The following DROSHA variants were observed in gnomAD, a reference collection of about 807,000 sequenced individuals.
DROSHA encodes ribonuclease 3.
In DROSHA, 56 loss-of-function variants were observed where a neutral mutation model predicts 181.9. The ratio of observed to expected loss-of-function variants is 0.31; its 90% CI spans 0.25 to 0.38. The LOEUF is 0.38. DROSHA is among the 10% of genes least tolerant of loss of function. The pLI is 1.00. For missense variants in DROSHA, 1,218 were observed against 1,743.5 expected (o/e 0.70, Z 5.37); for synonymous variants, 524 against 591.2 (o/e 0.89, Z 1.65).
intron 22 of DROSHA, 74 bp downstream of exon 22, chr5:31,449,207 A>G (rs866822295): frequency 4.5e-6 from 7 of 1,572,352 alleles, no homozygotes; most frequent in Middle Eastern, 1.7e-4. Context: ...AACCATTCCT[A>G]GAGGCGAAAT....
chr5:31,451,645 GAA>G lies in DROSHA; in HGVS notation c.2575-7_2575-6del. The G allele has an allele frequency of 6.6e-7, 1 of 1,518,150 alleles. No individual in the cohort carries two copies. Among genetic ancestry groups the G allele is most frequent in the Admixed American group, 1.9e-5 (1 of 52,226 alleles). The allele number at this position is 1,518,150 out of a possible 1,614,324, so 94.0% of individuals were successfully genotyped here. A position where few individuals can be genotyped will look rare whatever the true frequency, so the allele number is the denominator to read the frequency against. ...AACAGGTAGCATCATTGCATGCTAG[GAA>G]AAAAAAAATTCAATATGTTTAACTT... On this transcript the variant is annotated splice_region_variant and splice_polypyrimidine_tract_variant and intron_variant, in intron 20 of 35. Transcript: ENST00000344624.
At chr5:31,439,026 TC>T (rs1745223629) in intron 23 of DROSHA, among the ~76,000 whole-genome samples, 1 of 152,114 alleles carries the variant, frequency 6.6e-6, no homozygotes, top group African/African-American at 2.4e-5. Flanking sequence ...ACTAATTCAG[TC>T]CTGTGAAGTC....
intron 23 of DROSHA, among the ~76,000 whole-genome samples, chr5:31,444,552 A>C (rs567333291): frequency 2.8e-4 from 42 of 152,334 alleles, no homozygotes; most frequent in Middle Eastern, 6.8e-3. Context: ...GACAATTTAC[A>C]TACCAACAAC....
intron 20 of DROSHA, among the ~76,000 whole-genome samples, chr5:31,461,613 G>C (rs1316806573): frequency 6.6e-6 from 1 of 152,078 alleles, no homozygotes; most frequent in Non-Finnish European, 1.5e-5. Flanking sequence ...ACAGTTACCA[G>C]TTCCAGTTCA....
At chr5:31,531,822 C>A (rs1741443592) in intron 1 of DROSHA, among the ~76,000 whole-genome samples, 168 bp downstream of exon 1, 1 of 152,122 alleles carries the variant, frequency 6.6e-6, no homozygotes. Context: ...CACTTATTTG[C>A]GGGATCCAGG....
rs534522070 is a variant in DROSHA, at chr5:31,438,551, A to AT, written c.2883-1254_2883-1253insA. On this transcript the variant is annotated intron_variant, in intron 23 of 35. Coordinates refer to ENST00000344624, the MANE Select transcript of DROSHA (RefSeq NM_001382508.1). The stretch of plus-strand genomic sequence containing the variant: ...TGAGGAGTGGTGCCGTTTACTGTGG[A>AT]GGGGAGGACCAAAAGGAAAGCAGGT... Among the ~76,000 whole-genome samples, 683 of 152,178 alleles carry AT rather than the reference A, an allele frequency of 4.5e-3. 6 individuals are homozygous for AT. Among genetic ancestry groups the AT allele is most frequent in the African/African-American group, 0.015 (635 of 41,532 alleles).
chr5:31,511,421 C>T (rs575235011), intron 8 of DROSHA, among the ~76,000 whole-genome samples: 1 of 152,272 alleles, frequency 6.6e-6, no homozygotes, highest in African/African-American at 2.4e-5. Context: ...AACATTAGAA[C>T]AGGCCAGGCG....
chr5:31,418,218 G>GT (rs1411108595), intron 30 of DROSHA, among the ~76,000 whole-genome samples: 8 of 149,462 alleles, frequency 5.4e-5, no homozygotes, highest in South Asian at 2.1e-4. Context: ...ATGTGTGTGT[G>GT]GTGTGTGTGT....
intron 5 of DROSHA, among the ~76,000 whole-genome samples, chr5:31,522,030 G>C (rs1166417111): frequency 5.9e-5 from 9 of 152,120 alleles, no homozygotes; most frequent in Non-Finnish European, 1.3e-4. Context: ...TAAAATGTTT[G>C]AACTCAAAAA....
chr5:31,494,112 G>A (rs1752704195), intron 12 of DROSHA, among the ~76,000 whole-genome samples: 1 of 151,988 alleles, frequency 6.6e-6, no homozygotes, highest in Non-Finnish European at 1.5e-5. Context: ...GGGATTACAG[G>A]CGTGCACCAC....
In DROSHA at chr5:31,495,523, C is replaced by T. The variant is rs574067922; in HGVS notation, c.1669-151G>A. 3.9e-5 allele frequency among the ~76,000 whole-genome samples: 6 copies of T among 152,338 alleles called. No individual in the cohort carries two copies. The South Asian group carries it at 1.0e-3, about 26-fold the overall frequency. On this transcript the variant is annotated intron_variant, in intron 11 of 35. Coordinates refer to ENST00000344624, the MANE Select transcript of DROSHA (RefSeq NM_001382508.1). ...TAGGAAAGAACAGTATTGGCTTTGC[C>T]ATACCTAGACCAATAAAAAAGGGCT...
In DROSHA at chr5:31,515,433, C is replaced by A. The variant is rs897107921; in HGVS notation, c.1058+21G>T. On this transcript the variant is annotated intron_variant, in intron 7 of 35. Transcript: ENST00000344624. ...TTGTTTAAAAATACAAATTCCCAGGCCCCACCCCAGATCTACTTACTGATT... is the reference window on the plus strand; with the variant it reads ...TTGTTTAAAAATACAAATTCCCAGGACCCACCCCAGATCTACTTACTGATT... The A allele has an allele frequency of 3.3e-5, 38 of 1,168,936 alleles. No homozygotes were observed. The Admixed American group carries it at 8.3e-4, about 25-fold the overall frequency. 72.4% of individuals were successfully genotyped at this position (1,168,936 alleles called of 1,614,324 possible).
At chr5:31,485,754 T>G (rs1751663399) in intron 14 of DROSHA, among the ~76,000 whole-genome samples, 1 of 151,896 alleles carries the variant, frequency 6.6e-6, no homozygotes, top group Non-Finnish European at 1.5e-5. Context: ...AGGTGCCAAC[T>G]AGGCACACAT....
intron 6 of DROSHA, among the ~76,000 whole-genome samples, chr5:31,516,072 A>C (rs944004241): frequency 2.6e-5 from 4 of 152,176 alleles, no homozygotes; most frequent in African/African-American, 9.7e-5. Flanking sequence ...CCTGGGTAAC[A>C]TGGTGAAACC....
chr5:31,484,279 C>T (rs1388388890), intron 15 of DROSHA, among the ~76,000 whole-genome samples: 1 of 147,164 alleles, frequency 6.8e-6, no homozygotes, highest in Admixed American at 6.9e-5. Flanking sequence ...GAGGCTGAGG[C>T]AGGAGAATGG....
At chr5:31,439,310 G>A (rs1745269452) in intron 23 of DROSHA, among the ~76,000 whole-genome samples, 1 of 152,160 alleles carries the variant, frequency 6.6e-6, no homozygotes. Context: ...TTCCACCTGG[G>A]ATAATCCCTT....
intron 25 of DROSHA, among the ~76,000 whole-genome samples, chr5:31,432,103 G>A (rs972607855): frequency 6.6e-6 from 1 of 151,930 alleles, no homozygotes; most frequent in African/African-American, 2.4e-5. Flanking sequence ...AAGTCATGTG[G>A]TACTGACAAT....
In DROSHA at chr5:31,495,947, G is replaced by A. The variant is rs544112692; in HGVS notation, c.1669-575C>T. On this transcript the variant is annotated intron_variant, in intron 11 of 35. Transcript: ENST00000344624. ...TGGGCCTGGGGAGGCCAAGGAGAGC[G>A]ATGCCAGGTGTCTGAACCTCTGGCT... Among the ~76,000 whole-genome samples, 18 of 152,328 alleles carry A rather than the reference G, an allele frequency of 1.2e-4. No homozygotes were observed. In the South Asian group the frequency reaches 3.5e-3, roughly 30 times the overall value.
chr5:31,424,909 T>C (rs563787952), intron 27 of DROSHA, among the ~76,000 whole-genome samples: 1 of 152,252 alleles, frequency 6.6e-6, no homozygotes, highest in Non-Finnish European at 1.5e-5. Flanking sequence ...TAAGATGGAG[T>C]GGAAAACGCC....
Sources: allele counts gnomAD v4.1 joint callset (sites outside exome capture counted in the v4.1 genomes callset), GRCh38; gene constraint gnomAD v4.1.1; transcripts MANE v1.5; gene names NCBI Gene and HGNC (gene_info 2026-07-23, HGNC 2026-07-21).